SLC2A13: variants seen among roughly 807,000 people sequenced by gnomAD.
SLC2A13 encodes solute carrier family 2 member 13, also known as proton myo-inositol cotransporter.
SLC2A13 carries 32 observed loss-of-function variants against 64.4 expected under a neutral mutation model. That is an observed-to-expected ratio of 0.50 (90% CI 0.37 to 0.67). SLC2A13 has a LOEUF of 0.67. Among genes scored for constraint, SLC2A13 ranks in the 30% least tolerant of loss-of-function variants. The pLI is 0.00. For synonymous variants in SLC2A13, 338 were observed against 327.1 expected (o/e 1.03, Z -0.36); for missense variants, 743 against 829.2 (o/e 0.90, Z 1.28).
intron 7 of SLC2A13, among the ~76,000 whole-genome samples, chr12:39,793,418 T>A (rs1286300435): frequency 6.6e-6 from 1 of 152,152 alleles, no homozygotes; most frequent in African/African-American, 2.4e-5. Context: ...ATAGAGTCAA[T>A]GTAAGTCCAA....
At chr12:39,800,403 A>G (rs867530616) in intron 7 of SLC2A13, among the ~76,000 whole-genome samples, 1 of 151,114 alleles carries the variant, frequency 6.6e-6, no homozygotes, top group African/African-American at 2.4e-5. Context: ...TTACAAGAAA[A>G]AAACAAACAA....
chr12:39,951,460 G>GTTGATTTCATGAAGATTT, intron 3 of SLC2A13, 95 bp from the exon 4 acceptor site: 1 of 874,932 alleles, frequency 1.1e-6, no homozygotes, highest in Non-Finnish European at 1.7e-6. Context: ...AAATCTTCAT[G>GTTGATTTCATGAAGATTT]AAATCAACAT....
At position 39,779,552 on chromosome 12, in the gene SLC2A13, G is replaced by T. The variant is rs527237887; in HGVS notation, c.1446-14694C>A. ...ACACATAGTCAATAGCTCAATAAATGTAAATGTTAATTAAAAAAATTAAAA... is the reference window on the plus strand; with the variant it reads ...ACACATAGTCAATAGCTCAATAAATTTAAATGTTAATTAAAAAAATTAAAA... On this transcript the variant is annotated intron_variant, in intron 7 of 9. Coordinates refer to ENST00000280871, the MANE Select transcript of SLC2A13 (RefSeq NM_052885.4). Among the ~76,000 whole-genome samples the T allele has an allele frequency of 1.1e-3, 167 of 152,268 alleles. 3 individuals carry two copies. Among genetic ancestry groups the T allele is most frequent in the Admixed American group, 3.1e-3 (48 of 15,296 alleles).
At chr12:39,922,781 A>G (rs1320303675) in intron 4 of SLC2A13, among the ~76,000 whole-genome samples, 1 of 152,118 alleles carries the variant, frequency 6.6e-6, no homozygotes, top group Non-Finnish European at 1.5e-5. Context: ...ATTTTAGATA[A>G]GCTAGTCTTA....
At chr12:39,864,160 G>C (rs936583402) in intron 6 of SLC2A13, among the ~76,000 whole-genome samples, 4 of 152,070 alleles carry the variant, frequency 2.6e-5, no homozygotes, top group Non-Finnish European at 2.9e-5. Context: ...TCTACTTTTC[G>C]ATCTATTTAT....
intron 6 of SLC2A13, among the ~76,000 whole-genome samples, chr12:39,845,091 G>A (rs1041793518): frequency 2.0e-5 from 3 of 151,058 alleles, no homozygotes; most frequent in African/African-American, 7.3e-5. Context: ...TACTGTTTGG[G>A]GTATCACAAC....
chr12:40,051,040 T>C (rs1477228829), intron 1 of SLC2A13, among the ~76,000 whole-genome samples: 1 of 152,172 alleles, frequency 6.6e-6, no homozygotes. Context: ...ATTCTTTCTA[T>C]AGTAGGTGAC....
intron 4 of SLC2A13, among the ~76,000 whole-genome samples, chr12:39,948,544 T>A (rs989706259): frequency 1.3e-5 from 2 of 152,170 alleles, no homozygotes; most frequent in Non-Finnish European, 2.9e-5. Context: ...GGATGATTTA[T>A]CTTTTAATGT....
chr12:40,077,213 T>C (rs1938210641), intron 1 of SLC2A13, among the ~76,000 whole-genome samples: 1 of 152,200 alleles, frequency 6.6e-6, no homozygotes, highest in African/African-American at 2.4e-5. Context: ...GTCTTCATCA[T>C]GGAATCTTTG....
intron 4 of SLC2A13, among the ~76,000 whole-genome samples, chr12:39,925,766 T>G (rs376220434): frequency 2.0e-4 from 31 of 152,206 alleles, no homozygotes; most frequent in Non-Finnish European, 4.4e-4. Flanking sequence ...TATTTTCATT[T>G]GGTATTTTCC....
In SLC2A13 at chr12:39,758,775, G is replaced by C. The variant is rs1371055544; in HGVS notation, c.*1251C>G. 1.3e-5 allele frequency: 2 copies of C among 151,460 alleles called. No homozygotes were observed. Among genetic ancestry groups the C allele is most frequent in the African/African-American group, 2.4e-5 (1 of 41,288 alleles). 9.4% of individuals were successfully genotyped at this position (151,460 alleles called of 1,614,324 possible). On this transcript the variant is annotated 3_prime_UTR_variant, in exon 10 of 10. Transcript: ENST00000280871. ...CTAAGCCAAGAATAAGAAAAACACA[G>C]AGACAAATCTATGTATCTTTTTTTT...
In SLC2A13 at chr12:39,836,331, G is replaced by T. The variant is rs148464076; in HGVS notation, c.1320-6103C>A. Among the ~76,000 whole-genome samples, 686 of 152,204 alleles carry T rather than the reference G, an allele frequency of 4.5e-3. 2 individuals carry two copies. Among genetic ancestry groups the T allele is most frequent in the Middle Eastern group, 0.01 (3 of 294 alleles). On this transcript the variant is annotated intron_variant, in intron 6 of 9. Transcript: ENST00000280871. The stretch of plus-strand genomic sequence containing the variant: ...GGAAATTAGAGTCCAGGCAAGTACA[G>T]TTAGAACCAAATGGTTCTTTTCTTA...
chr12:39,837,761 C>G (rs1943056349), intron 6 of SLC2A13, among the ~76,000 whole-genome samples: 1 of 152,150 alleles, frequency 6.6e-6, no homozygotes, highest in Non-Finnish European at 1.5e-5. Context: ...CACTGGCCAT[C>G]AGAGAAATGC....
chr12:40,045,238 T>C (rs1948153049), intron 2 of SLC2A13, among the ~76,000 whole-genome samples: 1 of 151,930 alleles, frequency 6.6e-6, no homozygotes, highest in Non-Finnish European at 1.5e-5. Flanking sequence ...TTTAAAATAT[T>C]CAAATTATTT....
chr12:39,792,635 C>A (rs893564460), intron 7 of SLC2A13, among the ~76,000 whole-genome samples: 5 of 152,030 alleles, frequency 3.3e-5, no homozygotes, highest in South Asian at 2.1e-4. Context: ...CTGTGGATAC[C>A]AAAACCCACA....
Position 39,760,080 on chromosome 12 carries a change from C to T in SLC2A13, c.1893G>A (p.Arg631=), listed in dbSNP as rs1460886237. ...AAAGATGATAGTTACTTCCCTTTAC[C>T]CGAATATATTCAATATATCTCCCTT... ...SDEGRYIEYI[R]VKGSNYHLSD... The change falls in exon 10 of 10, where the codon CGG becomes CGA. Residue 631 remains arginine (R), a synonymous_variant. Coordinates refer to ENST00000280871, the MANE Select transcript of SLC2A13 (RefSeq NM_052885.4). The T allele has an allele frequency of 6.2e-7, 1 of 1,612,748 alleles. No homozygotes were observed. The highest frequency in any genetic ancestry group is 1.1e-5 in the South Asian group (1 of 91,038).
intron 7 of SLC2A13, among the ~76,000 whole-genome samples, chr12:39,797,744 A>ATG (rs1555237531): frequency 1.3e-5 from 2 of 150,334 alleles, no homozygotes; most frequent in African/African-American, 4.9e-5. Flanking sequence ...ACACACACAC[A>ATG]CACACACACA....
intron 7 of SLC2A13, among the ~76,000 whole-genome samples, chr12:39,798,628 G>A (rs752904315): frequency 3.9e-5 from 6 of 152,144 alleles, no homozygotes; most frequent in Non-Finnish European, 5.9e-5. Context: ...GTTTGGCCTC[G>A]TGGCAGGGCA....
chr12:40,063,217 G>C (rs552754295), intron 1 of SLC2A13, among the ~76,000 whole-genome samples: 1 of 152,050 alleles, frequency 6.6e-6, no homozygotes, highest in East Asian at 1.9e-4. Flanking sequence ...AAATCTCCCA[G>C]TGAAGTTTAT....
Sources: gnomAD v4.1 joint callset for allele counts (sites outside exome capture counted in the v4.1 genomes callset) on GRCh38, gnomAD v4.1.1 for gene constraint, MANE v1.5 for transcripts, NCBI Gene and HGNC (gene_info 2026-07-23, HGNC 2026-07-21) for gene names.